The following FSTL4 variants were observed in gnomAD, a reference collection of about 807,000 sequenced individuals.
FSTL4 encodes the protein follistatin like 4.
A neutral mutation model predicts 78.2 loss-of-function variants in FSTL4; 28 were observed. The observed-to-expected ratio is 0.36, with a 90% CI of 0.27 to 0.49. FSTL4 has a LOEUF of 0.49. Among genes scored for constraint, FSTL4 ranks in the 20% least tolerant of loss-of-function variants. The pLI is 0.98. For synonymous variants in FSTL4, 422 were observed against 440.5 expected (o/e 0.96, Z 0.53); for missense variants, 922 against 1,084.9 (o/e 0.85, Z 2.11).
chr5:133,758,069 T>G, the FSTL4 span, among the ~76,000 whole-genome samples: 1 of 152,304 alleles, frequency 6.6e-6, no homozygotes, highest in Middle Eastern at 3.4e-3. Flanking sequence ...TTCCTTTGAT[T>G]ATGAATAAAA....
At chr5:133,536,572 T>C (rs572813900) in intron 3 of FSTL4, among the ~76,000 whole-genome samples, 39 of 152,206 alleles carry the variant, frequency 2.6e-4, no homozygotes, top group African/African-American at 9.1e-4. Context: ...TAAAATTAAC[T>C]TATGAATAGA....
chr5:133,212,794 T>C (rs1258142543), intron 13 of FSTL4, among the ~76,000 whole-genome samples: 1 of 151,788 alleles, frequency 6.6e-6, no homozygotes, highest in Non-Finnish European at 1.5e-5. Context: ...AAATCCCAAA[T>C]CATAATACAA....
the FSTL4 span, among the ~76,000 whole-genome samples, chr5:133,767,195 T>G: frequency 6.6e-6 from 1 of 152,166 alleles, no homozygotes; most frequent in African/African-American, 2.4e-5. Context: ...ACCTCAGAGT[T>G]ATCCCACCCG....
the FSTL4 span, among the ~76,000 whole-genome samples, chr5:133,700,379 C>T: frequency 6.6e-6 from 1 of 151,528 alleles, no homozygotes; most frequent in East Asian, 1.9e-4. Flanking sequence ...CAAACCACCA[C>T]ACCAAACACC....
chr5:133,746,871 C>G, the FSTL4 span, among the ~76,000 whole-genome samples: 1 of 152,144 alleles, frequency 6.6e-6, no homozygotes, highest in African/African-American at 2.4e-5. Context: ...TGGTTTAGCT[C>G]TGAGAATACC....
At chr5:133,673,633 A>G in the FSTL4 span, among the ~76,000 whole-genome samples, 1 of 152,236 alleles carries the variant, frequency 6.6e-6, no homozygotes. Flanking sequence ...CTCCAATTTA[A>G]GTGACATTTC....
At chr5:133,804,942 C>CAAAA in the FSTL4 span, among the ~76,000 whole-genome samples, 13 of 94,484 alleles carry the variant, frequency 1.4e-4, 1 homozygote, top group African/African-American at 5.9e-4. Context: ...GACTCCGTCT[C>CAAAA]AAAAAAAAAA....
At chr5:133,233,568 GCCT>G (rs35758896) in intron 7 of FSTL4, 31 bp from the exon 8 acceptor site, 835,425 of 1,607,596 alleles carry the variant, frequency 0.52, 223,288 homozygotes, top group East Asian at 0.88. Flanking sequence ...GATGAGACTG[GCCT>G]CTTTATTGAA....
At chr5:133,797,204 T>A in the FSTL4 span, among the ~76,000 whole-genome samples, 1 of 152,216 alleles carries the variant, frequency 6.6e-6, no homozygotes, top group Admixed American at 6.5e-5. Flanking sequence ...GGCAAAGACA[T>A]AAATCAATAC....
At chr5:133,618,025 A>G in the FSTL4 span, among the ~76,000 whole-genome samples, 45 of 152,340 alleles carry the variant, frequency 3.0e-4, 1 homozygote, top group African/African-American at 9.9e-4. Flanking sequence ...GCCCTTCGTT[A>G]TCCACGGGGA....
chr5:133,350,676 T>G (rs990568540), intron 4 of FSTL4, among the ~76,000 whole-genome samples: 1 of 152,238 alleles, frequency 6.6e-6, no homozygotes, highest in Non-Finnish European at 1.5e-5. Flanking sequence ...GATCCAGAGC[T>G]GGCATAGTGT....
At chr5:133,506,760 C>T (rs942441685) in intron 3 of FSTL4, among the ~76,000 whole-genome samples, 2 of 152,164 alleles carry the variant, frequency 1.3e-5, no homozygotes, top group Admixed American at 1.3e-4. Flanking sequence ...CATCTTGGCT[C>T]TCAGTGCTCA....
At chr5:133,577,883 C>G (rs572382974) in intron 2 of FSTL4, among the ~76,000 whole-genome samples, 1 of 152,180 alleles carries the variant, frequency 6.6e-6, no homozygotes, top group South Asian at 2.1e-4. Context: ...TGGGTGATAG[C>G]GTAAGACTCT....
chr5:133,829,336 A>C, the FSTL4 span, among the ~76,000 whole-genome samples: 1 of 152,172 alleles, frequency 6.6e-6, no homozygotes, highest in Non-Finnish European at 1.5e-5. Flanking sequence ...CAGTGAGCTG[A>C]GATCGCGCCA....
intron 3 of FSTL4, among the ~76,000 whole-genome samples, chr5:133,521,703 C>T (rs925419338): frequency 6.6e-6 from 1 of 152,102 alleles, no homozygotes; most frequent in Non-Finnish European, 1.5e-5. Context: ...AATTAACTCC[C>T]AGAGACGAAC....
the FSTL4 span, among the ~76,000 whole-genome samples, chr5:133,670,380 T>G: frequency 6.6e-6 from 1 of 152,156 alleles, no homozygotes; most frequent in African/African-American, 2.4e-5. Flanking sequence ...TCTTCAGAAG[T>G]AGCCATGGAG....
the FSTL4 span, among the ~76,000 whole-genome samples, chr5:133,707,990 C>G: frequency 6.6e-6 from 1 of 151,840 alleles, no homozygotes; most frequent in African/African-American, 2.4e-5. Context: ...CTATGGATTC[C>G]TTGAAAGCTG....
the FSTL4 span, among the ~76,000 whole-genome samples, chr5:133,728,219 G>T: frequency 2.6e-5 from 4 of 152,342 alleles, no homozygotes; most frequent in East Asian, 7.7e-4. Context: ...CTAGCACATA[G>T]CAGATTCTGA....
rs372937196 is a variant in FSTL4, at chr5:133,266,253, C to T, written c.728-16677G>A. Among the ~76,000 whole-genome samples the T allele has an allele frequency of 5.1e-4, 77 of 152,382 alleles. 3 individuals carry two copies. The South Asian group carries it at 0.014, about 28-fold the overall frequency. ...GTACACAGACCACAGCACGCACACC[C>T]AACATGGCTGCTGACTATTTTCAAG... On this transcript the variant is annotated intron_variant, in intron 6 of 15. Coordinates refer to ENST00000265342, the MANE Select transcript of FSTL4 (RefSeq NM_015082.2).
Sources: allele counts gnomAD v4.1 joint callset (sites outside exome capture counted in the v4.1 genomes callset), GRCh38; gene constraint gnomAD v4.1.1; transcripts MANE v1.5; gene names NCBI Gene and HGNC (gene_info 2026-07-23, HGNC 2026-07-21).